The following CSNK1G3 variants were observed in gnomAD, a reference collection of about 807,000 sequenced individuals.
CSNK1G3 encodes the protein casein kinase I isoform gamma-3.
In CSNK1G3, 23 loss-of-function variants were observed where a neutral mutation model predicts 64.3. The observed-to-expected ratio is 0.36, with a 90% CI of 0.26 to 0.51. CSNK1G3 has a LOEUF of 0.51. Among genes scored for constraint, CSNK1G3 ranks in the 20% least tolerant of loss-of-function variants. CSNK1G3 has a pLI of 0.96. For missense variants in CSNK1G3, 357 were observed against 510.5 expected, an observed-to-expected ratio of 0.70 and a Z score of 2.90; for synonymous variants, 158 against 162.2, an observed-to-expected ratio of 0.97 and a Z score of 0.20.
intron 6 of CSNK1G3, among the ~76,000 whole-genome samples, chr5:123,587,583 C>T (rs1791562631): frequency 6.6e-6 from 1 of 152,140 alleles, no homozygotes; most frequent in Non-Finnish European, 1.5e-5. Flanking sequence ...AAATATATTA[C>T]ACACAATACT....
At chr5:123,572,798 A>C (rs887999124) in intron 4 of CSNK1G3, among the ~76,000 whole-genome samples, 4 of 152,216 alleles carry the variant, frequency 2.6e-5, no homozygotes, top group Non-Finnish European at 4.4e-5. Context: ...TCACCTGAAT[A>C]GGTCAGGTCC....
intron 2 of CSNK1G3, among the ~76,000 whole-genome samples, chr5:123,552,464 A>G (rs1783872371): frequency 6.6e-6 from 1 of 152,130 alleles, no homozygotes; most frequent in South Asian, 2.1e-4. Context: ...TCTGCTCAGA[A>G]TATCCTTAAT....
At chr5:123,588,604 T>TAA in intron 8 of CSNK1G3, 93 bp downstream of exon 8, 9 of 725,978 alleles carry the variant, frequency 1.2e-5, no homozygotes, top group South Asian at 1.9e-5. Flanking sequence ...TTTCTATGCT[T>TAA]AAAAAAAAAA....
chr5:123,572,891 A>G (rs1788405744), intron 4 of CSNK1G3, among the ~76,000 whole-genome samples: 1 of 152,230 alleles, frequency 6.6e-6, no homozygotes, highest in African/African-American at 2.4e-5. Flanking sequence ...TAGCCTGGTC[A>G]CAATAGTGAG....
chr5:123,522,375 CG>C (rs1324567639), intron 1 of CSNK1G3, among the ~76,000 whole-genome samples: 18 of 152,134 alleles, frequency 1.2e-4, no homozygotes, highest in African/African-American at 4.3e-4. Flanking sequence ...TGGTGGCACA[CG>C]CCTGTCGTCC....
At chr5:123,535,895 T>A (rs546995236) in intron 1 of CSNK1G3, among the ~76,000 whole-genome samples, 1 of 152,280 alleles carries the variant, frequency 6.6e-6, no homozygotes, top group South Asian at 2.1e-4. Flanking sequence ...CACTTGACTC[T>A]GGATCCTCTT....
At chr5:123,531,476 G>T (rs942280233) in intron 1 of CSNK1G3, among the ~76,000 whole-genome samples, 4 of 151,942 alleles carry the variant, frequency 2.6e-5, no homozygotes, top group African/African-American at 9.7e-5. Flanking sequence ...GCCAGTGGCT[G>T]ACATTTCTAT....
intron 2 of CSNK1G3, among the ~76,000 whole-genome samples, chr5:123,551,648 T>C (rs1783673269): frequency 6.6e-6 from 1 of 152,170 alleles, no homozygotes; most frequent in South Asian, 2.1e-4. Context: ...AAATTTTGCC[T>C]AGAAGTTTTG....
intron 3 of CSNK1G3, among the ~76,000 whole-genome samples, chr5:123,556,791 T>TGG (rs1784718168): frequency 6.9e-6 from 1 of 145,374 alleles, no homozygotes; most frequent in Non-Finnish European, 1.5e-5. Flanking sequence ...TGTGTGTGTG[T>TGG]GGTGTGTGTA....
exon 10 of CSNK1G3, chr5:123,591,397 C>G (rs1792332998): frequency 3.1e-6 from 5 of 1,606,828 alleles, no homozygotes; most frequent in Non-Finnish European, 4.2e-6. Context: ...AGATAAGATG[C>G]AACAATCCAA....
At chr5:123,591,031 T>C (rs904029443) in intron 9 of CSNK1G3, among the ~76,000 whole-genome samples, 6 of 152,076 alleles carry the variant, frequency 3.9e-5, no homozygotes, top group African/African-American at 7.2e-5. Context: ...CATGTTGATA[T>C]GAAAATGTAG....
At chr5:123,572,821 T>C (rs998663566) in intron 4 of CSNK1G3, among the ~76,000 whole-genome samples, 9 of 152,234 alleles carry the variant, frequency 5.9e-5, no homozygotes, top group African/African-American at 2.2e-4. Flanking sequence ...CAGGATTCTC[T>C]TCCTTCTGAT....
At chr5:123,597,534 A>G (rs1329207085) in intron 10 of CSNK1G3, among the ~76,000 whole-genome samples, 4 of 152,070 alleles carry the variant, frequency 2.6e-5, no homozygotes, top group Non-Finnish European at 4.4e-5. Context: ...AGCACTGAAA[A>G]TCATTCCAGG....
intron 10 of CSNK1G3, 49 bp downstream of exon 11, chr5:123,595,183 T>G: frequency 6.5e-7 from 1 of 1,537,792 alleles, no homozygotes. Context: ...TTTATACAAC[T>G]AACCCTTTTT....
chr5:123,614,517 C>T, exon 13 of CSNK1G3: 2 of 672,196 alleles, frequency 3.0e-6, no homozygotes, highest in East Asian at 3.2e-5. Flanking sequence ...ACAAAAATGT[C>T]ATACTTTCAT....
chr5:123,545,950 T>C, intron 2 of CSNK1G3, 109 bp downstream of exon 2: 1 of 962,470 alleles, frequency 1.0e-6, no homozygotes, highest in Non-Finnish European at 1.6e-6. Flanking sequence ...TTAATGGTTG[T>C]GGTAATTTTA....
At chr5:123,609,733 C>T (rs1019362605) in intron 12 of CSNK1G3, among the ~76,000 whole-genome samples, 1 of 152,126 alleles carries the variant, frequency 6.6e-6, no homozygotes, top group Non-Finnish European at 1.5e-5. Flanking sequence ...TTTGCTTTTT[C>T]TTACTTTTCC....
intron 8 of CSNK1G3, 53 bp downstream of exon 8, chr5:123,588,564 A>T (rs1791749393): frequency 2.8e-6 from 3 of 1,082,450 alleles, no homozygotes; most frequent in Admixed American, 3.9e-5. Context: ...AGAAATGCTA[A>T]TTTTTATTGC....
intron 4 of CSNK1G3, among the ~76,000 whole-genome samples, chr5:123,570,831 G>T (rs1369395243): frequency 6.6e-6 from 1 of 152,178 alleles, no homozygotes; most frequent in Non-Finnish European, 1.5e-5. Context: ...ACTTTCAGTG[G>T]CAGAGAGGGG....
Sources: allele counts gnomAD v4.1 joint callset (sites outside exome capture counted in the v4.1 genomes callset), GRCh38; gene constraint gnomAD v4.1.1; transcripts MANE v1.5; gene names NCBI Gene and HGNC (gene_info 2026-07-23, HGNC 2026-07-21).